MLH3: variants seen among roughly 807,000 people sequenced by gnomAD.
The protein encoded by MLH3 is DNA mismatch repair protein Mlh3.
MLH3 carries 82 observed loss-of-function variants against 122.2 expected under a neutral mutation model. That is an observed-to-expected ratio of 0.67 (90% CI 0.56 to 0.81). The LOEUF is 0.81. Ranked by LOEUF, MLH3 falls within the 30% of genes least tolerant of loss-of-function variation. The pLI, the probability that MLH3 is intolerant of heterozygous loss-of-function variation, is 0.00. For synonymous variants in MLH3, 524 were observed against 599.5 expected, an observed-to-expected ratio of 0.87 and a Z score of 1.84; for missense variants, 1,539 against 1,714.5, an observed-to-expected ratio of 0.90 and a Z score of 1.81.
chr14:75,028,982 C>T (rs1037193693), intron 9 of MLH3, among the ~76,000 whole-genome samples: 1 of 151,022 alleles, frequency 6.6e-6, no homozygotes, highest in Admixed American at 6.6e-5. Context: ...GACCCCATCT[C>T]TACTAAAAAT....
Position 75,032,069 on chromosome 14 carries a change from A to G in MLH3, c.3826T>C (p.Trp1276Arg), listed in dbSNP as rs121908439. The change falls in exon 8 of 13, where the codon TGG (tryptophan) becomes CGG (arginine). Residue 1276 changes from tryptophan to arginine, a missense_variant and splice_region_variant. By Grantham distance (101) the Trp-to-Arg change is moderately radical (BLOSUM62 -3). Coordinates refer to ENST00000355774, the MANE Select transcript of MLH3 (RefSeq NM_001040108.2). ...TCACATTCTCATGGTGGTACTGACCATAAGAGTCTCCTTTGTTCCTCTGTC... is the reference window on the plus strand; with the variant it reads ...TCACATTCTCATGGTGGTACTGACCGTAAGAGTCTCCTTTGTTCCTCTGTC... ...TVTEEQRRLLWCYHKNLEDLG... is the reference protein window; with the variant it reads ...TVTEEQRRLLRCYHKNLEDLG... 16 of 1,571,410 alleles carry G rather than the reference A, an allele frequency of 1.0e-5. No individual in the cohort carries two copies. The highest frequency in any genetic ancestry group is 8.9e-5 in the East Asian group (4 of 44,716).
chr14:75,038,512 G>T, intron 5 of MLH3, 100 bp from the exon 6 acceptor site: 2 of 826,414 alleles, frequency 2.4e-6, no homozygotes, highest in Non-Finnish European at 4.2e-6. Context: ...AGAGTTGTTT[G>T]CCTTATCACA....
Position 75,046,633 on chromosome 14 carries a change from G to T in MLH3, c.3023C>A (p.Pro1008Gln). The change falls in exon 2 of 13, where the codon CCG (proline) becomes CAG (glutamine). Residue 1008 changes from proline (P) to glutamine (Q), a missense_variant. Transcript: ENST00000355774. Reference sequence around the variant, plus strand: ...TTGGTCACCTGTGGCATCTTCTACCGGATTCATTAACATTCCACTGGGAGA... The same window carrying T: ...TTGGTCACCTGTGGCATCTTCTACCTGATTCATTAACATTCCACTGGGAGA... ...LDSPSGMLMN[P>Q]VEDATGDQNG... 1 of 1,614,108 alleles carries T rather than the reference G, an allele frequency of 6.2e-7. No individual in the cohort carries two copies. The highest frequency in any genetic ancestry group is 1.1e-5 in the South Asian group (1 of 91,074).
At chr14:75,044,379 T>A (rs1892074623) in intron 2 of MLH3, among the ~76,000 whole-genome samples, 1 of 152,238 alleles carries the variant, frequency 6.6e-6, no homozygotes, top group African/African-American at 2.4e-5. Flanking sequence ...TTACGTTGAA[T>A]ATGGCAGCTA....
intron 9 of MLH3, among the ~76,000 whole-genome samples, chr14:75,028,949 T>C (rs1004023553): frequency 6.6e-6 from 1 of 150,724 alleles, no homozygotes; most frequent in African/African-American, 2.4e-5. Flanking sequence ...AGGAGTTCAA[T>C]ACCAGCTTGG....
chr14:75,048,960 C>G lies in MLH3; in HGVS notation c.696G>C (p.Glu232Asp). The change falls in exon 2 of 13, where the codon GAG (glutamate) becomes GAC (aspartate). Residue 232 changes from glutamate to aspartate, a missense_variant. Coordinates refer to ENST00000355774, the MANE Select transcript of MLH3 (RefSeq NM_001040108.2). ...AGCTGATATAGCCACTAAGCTCAAA[C>G]TCTTTATATTTAAAACTTATTTCTC... ...KLREISFKYKEFELSGYISSE... is the reference protein window; with the variant it reads ...KLREISFKYKDFELSGYISSE... 6.2e-7 allele frequency: 1 copy of G among 1,613,258 alleles called. No homozygotes were observed. Among genetic ancestry groups the G allele is most frequent in the Non-Finnish European group, 8.5e-7 (1 of 1,179,736 alleles).
At chr14:75,022,611 G>C (rs1044699459) in intron 11 of MLH3, among the ~76,000 whole-genome samples, 1 of 152,158 alleles carries the variant, frequency 6.6e-6, no homozygotes, top group South Asian at 2.1e-4. Flanking sequence ...TATAGGTCAG[G>C]CAGCACTATA....
At chr14:75,023,382 C>A (rs1320456183) in intron 9 of MLH3, among the ~76,000 whole-genome samples, 3 of 152,166 alleles carry the variant, frequency 2.0e-5, no homozygotes, top group Non-Finnish European at 4.4e-5. Context: ...TAATCTTAGC[C>A]AGAACAAGCG....
Position 75,016,942 on chromosome 14 carries a change from C to G in MLH3, c.*140G>C, listed in dbSNP as rs755983302. The G allele has an allele frequency of 9.8e-5, 90 of 920,760 alleles. No homozygotes were observed. The highest frequency in any genetic ancestry group is 1.5e-4 in the Non-Finnish European group (82 of 562,504). 57.0% of individuals were successfully genotyped at this position (920,760 alleles called of 1,614,324 possible). On this transcript the variant is annotated 3_prime_UTR_variant, in exon 13 of 13. Transcript: ENST00000355774. ...ATCATCTGCTCAAGAAAGACTGATA[C>G]AGAGAGCCCTGCTGTCTAAGCTGCT... is the stretch of plus-strand genomic sequence containing the variant.
At chr14:75,027,309 G>C (rs1405700907) in intron 9 of MLH3, among the ~76,000 whole-genome samples, 3 of 151,224 alleles carry the variant, frequency 2.0e-5, no homozygotes, top group African/African-American at 4.9e-5. Context: ...ACCCAGGCTG[G>C]GGTGCAATGG....
chr14:75,028,218 T>C (rs1287664340), intron 9 of MLH3, among the ~76,000 whole-genome samples: 1 of 152,110 alleles, frequency 6.6e-6, no homozygotes, highest in Non-Finnish European at 1.5e-5. Flanking sequence ...AAAACATATA[T>C]GTAAAGTAAT....
Position 75,018,082 on chromosome 14 carries a change from T to C in MLH3, c.4242+747A>G, listed in dbSNP as rs772088702. On this transcript the variant is annotated intron_variant, in intron 12 of 12. Coordinates refer to ENST00000355774, the MANE Select transcript of MLH3 (RefSeq NM_001040108.2). ...ATTGCTTGAACCCGGGAGGCAGAGG[T>C]TGCGGTGAGCCAAGATCGCACCATT... Among the ~76,000 whole-genome samples the C allele has an allele frequency of 9.1e-4, 139 of 151,938 alleles. 1 individual carries two copies. The highest frequency in any genetic ancestry group is 1.2e-3 in the Non-Finnish European group (83 of 67,970).
chr14:75,048,894 C>T lies in MLH3; in HGVS notation c.762G>A (p.Val254=), dbSNP rs2139599741. ...HYNKNMQFLF[V]NKRLVLRTKL... is the part of the protein sequence containing the mutation. ...TTGTCCTTAAAACTAGTCTTTTGTT[C>T]ACAAACAAAAACTGCATATTCTTGT... The change falls in exon 2 of 13, where the codon GTG becomes GTA. Residue 254 remains valine, a synonymous_variant. Coordinates refer to ENST00000355774, the MANE Select transcript of MLH3 (RefSeq NM_001040108.2). 6.2e-7 allele frequency: 1 copy of T among 1,613,610 alleles called. No homozygotes were observed. The highest frequency in any genetic ancestry group is 8.5e-7 in the Non-Finnish European group (1 of 1,179,804).
intron 7 of MLH3, among the ~76,000 whole-genome samples, chr14:75,032,732 C>T (rs971396179): frequency 6.6e-6 from 1 of 151,118 alleles, no homozygotes; most frequent in African/African-American, 2.4e-5. Context: ...TAGGTCCTTG[C>T]CTAACTCTTT....
In MLH3 at chr14:75,023,166, T is replaced by C. The variant is rs571267826; in HGVS notation, c.3988-148A>G. 45 of 893,344 alleles carry C rather than the reference T, an allele frequency of 5.0e-5. No individual in the cohort carries two copies. The South Asian group carries it at 6.1e-4, about 12-fold the overall frequency. 55.3% of individuals were successfully genotyped at this position (893,344 alleles called of 1,614,324 possible). ...ATACAGCACTTGGGTACAAATTTAT[T>C]TGTTGTAAGGCACTTTGAATATGAA... On this transcript the variant is annotated intron_variant, in intron 9 of 12. Transcript: ENST00000355774.
In MLH3 at chr14:75,047,341, A is replaced by G. The variant is rs1158172743; in HGVS notation, c.2315T>C (p.Val772Ala). ...GGTAGTGACTCCATTACTTTCCTCT[A>G]CTTCTGTATCCAGAGGATTTTCAAC... ...GKVENPLDTE[V>A]EESNGVTTNL... Residue 772 changes from valine to alanine, a missense_variant, in exon 2 of 13, where the codon GTA becomes GCA. Transcript: ENST00000355774. The G allele has an allele frequency of 6.2e-7, 1 of 1,614,044 alleles. No homozygotes were observed.
In MLH3 at chr14:75,049,644, G is replaced by A. The variant is rs1485456126; in HGVS notation, c.12C>T (p.Cys4=). ...ATTTGGCTTGTACTTCAACTGACAA[G>A]CACTTGATCATGGTAGGTAGAAAGA... MIK[C]LSVEVQAKLR... is the part of the protein sequence containing the mutation. The change falls in exon 2 of 13, where the codon TGC becomes TGT. Residue 4 remains cysteine (C), a synonymous_variant. Transcript: ENST00000355774. 3 of 1,613,886 alleles carry A rather than the reference G, an allele frequency of 1.9e-6. No individual in the cohort carries two copies. In the African/African-American group the frequency reaches 4.0e-5, roughly 22 times the overall value.
chr14:75,016,236 A>C lies in MLH3; in HGVS notation c.*846T>G. 1 of 212,472 alleles carries C rather than the reference A, an allele frequency of 4.7e-6. No individual in the cohort carries two copies. The highest frequency in any genetic ancestry group is 9.5e-6 in the Non-Finnish European group (1 of 104,910). 13.2% of individuals were successfully genotyped at this position (212,472 alleles called of 1,614,324 possible). A position where few individuals can be genotyped will look rare whatever the true frequency, so the allele number is the denominator to read the frequency against. ...AGAACCCTTGTCTCCTGAAAGAAAA[A>C]GTGTAAAGATATTTGGTTAGGTTGA... On this transcript the variant is annotated 3_prime_UTR_variant, in exon 13 of 13. Transcript: ENST00000355774.
At chr14:75,036,272 T>C (rs533278289) in intron 6 of MLH3, among the ~76,000 whole-genome samples, 1 of 152,312 alleles carries the variant, frequency 6.6e-6, no homozygotes, top group Admixed American at 6.5e-5. Context: ...CTGCATCTGA[T>C]GGCTCAAATT....
Sources: gnomAD v4.1 joint callset for allele counts (sites outside exome capture counted in the v4.1 genomes callset) on GRCh38, gnomAD v4.1.1 for gene constraint, MANE v1.5 for transcripts, NCBI Gene and HGNC (gene_info 2026-07-23, HGNC 2026-07-21) for gene names.